PRKCQ: variants seen among roughly 807,000 people sequenced by gnomAD.
PRKCQ encodes protein kinase C theta type.
In PRKCQ, 41 loss-of-function variants were observed where a neutral mutation model predicts 91.2. The observed-to-expected ratio is 0.45, with a 90% CI of 0.35 to 0.58. The LOEUF (loss-of-function observed/expected upper bound fraction) is 0.58, where lower values mean the gene tolerates loss of function less well. Among genes scored for constraint, PRKCQ ranks in the 20% least tolerant of loss-of-function variants. PRKCQ has a pLI of 0.00. For missense variants in PRKCQ, 673 were observed against 896.5 expected, an observed-to-expected ratio of 0.75 and a Z score of 3.18; for synonymous variants, 307 against 316.9, an observed-to-expected ratio of 0.97 and a Z score of 0.33.
At chr10:6,445,680 C>T (rs1033432526) in intron 15 of PRKCQ, among the ~76,000 whole-genome samples, 2 of 152,188 alleles carry the variant, frequency 1.3e-5, no homozygotes, top group African/African-American at 4.8e-5. Flanking sequence ...AAAAATGCTA[C>T]CCACTACTCT....
At chr10:6,489,483 A>C (rs754223918) in intron 8 of PRKCQ, 3 of 528,950 alleles carry the variant, frequency 5.7e-6, no homozygotes, top group African/African-American at 3.9e-5. Flanking sequence ...GAGAAAGAGA[A>C]GGCAGGGTAA....
At chr10:6,529,356 C>CT (rs1839309574) in intron 1 of PRKCQ, among the ~76,000 whole-genome samples, 1 of 152,240 alleles carries the variant, frequency 6.6e-6, no homozygotes, top group Non-Finnish European at 1.5e-5. Context: ...AACCTTCTCT[C>CT]TGACTCTACC....
intron 16 of PRKCQ, among the ~76,000 whole-genome samples, chr10:6,441,545 C>T (rs1833972755): frequency 6.6e-6 from 1 of 152,056 alleles, no homozygotes; most frequent in South Asian, 2.1e-4. Flanking sequence ...TTCAATCCTC[C>T]TGCCTCAACC....
intron 1 of PRKCQ, among the ~76,000 whole-genome samples, chr10:6,559,981 CT>C (rs1273507232): frequency 6.6e-6 from 1 of 152,168 alleles, no homozygotes; most frequent in Non-Finnish European, 1.5e-5. Context: ...TAGCTATTGT[CT>C]TTCTACTCCA....
At chr10:6,515,604 T>C (rs980410513) in intron 1 of PRKCQ, 2 of 796,808 alleles carry the variant, frequency 2.5e-6, no homozygotes, top group Non-Finnish European at 3.0e-6. Flanking sequence ...ATGGTCTATT[T>C]ATGTGTGTAA....
Position 6,497,260 on chromosome 10 carries a change from A to T in PRKCQ, c.543-9T>A, listed in dbSNP as rs372188785. The T allele has an allele frequency of 2.5e-6, 4 of 1,614,152 alleles. No individual in the cohort carries two copies. The highest frequency in any genetic ancestry group is 3.4e-6 in the Non-Finnish European group (4 of 1,180,022). On this transcript the variant is annotated splice_polypyrimidine_tract_variant and intron_variant, in intron 5 of 17. Transcript: ENST00000263125. This position sits in a 1 kb window ranked among gnomAD's most constrained non-coding sequence, Gnocchi z 4.5. ...CCTGTTTGTTCAGGCCCCTGTAATA[A>T]AGCACACGCTGATTTATTTCAATGT...
In PRKCQ at chr10:6,507,507, G is replaced by C; in HGVS notation, c.319-11C>G. 1 of 1,611,530 alleles carries C rather than the reference G, an allele frequency of 6.2e-7. No individual in the cohort carries two copies. The highest frequency in any genetic ancestry group is 8.5e-7 in the Non-Finnish European group (1 of 1,177,760). ...AGGTTTCAGCTCTAACTGGTTGGGA[G>C]AAGGAGAGAAACATCAGTCAGAATG... On this transcript the variant is annotated splice_polypyrimidine_tract_variant and intron_variant, in intron 3 of 17. Transcript: ENST00000263125.
At chr10:6,574,178 T>C (rs1841141783) in intron 1 of PRKCQ, among the ~76,000 whole-genome samples, 1 of 152,148 alleles carries the variant, frequency 6.6e-6, no homozygotes, top group African/African-American at 2.4e-5. Context: ...CTCCTAGTTG[T>C]TCATGAATTA....
rs1446025784 is a variant in PRKCQ at position 6,483,714 on chromosome 10, T to C, written c.1019-114A>G. ...CCATGCTGAGGCTCCATCATAGTAA[T>C]TGGGGGTGTTTAGAGGGTTTCCTAC... On this transcript the variant is annotated intron_variant, in intron 10 of 17. Transcript: ENST00000263125. The C allele has an allele frequency of 2.6e-5, 33 of 1,263,830 alleles. No homozygotes were observed. In the Middle Eastern group the frequency reaches 1.5e-3, roughly 57 times the overall value. 78.3% of individuals were successfully genotyped at this position (1,263,830 alleles called of 1,614,324 possible). A position where few individuals can be genotyped will look rare whatever the true frequency, so the allele number is the denominator to read the frequency against.
chr10:6,557,666 A>G (rs1219309118), intron 1 of PRKCQ, among the ~76,000 whole-genome samples: 1 of 152,172 alleles, frequency 6.6e-6, no homozygotes, highest in East Asian at 1.9e-4. Context: ...CTTGAACTAT[A>G]CATTCACTTT....
chr10:6,419,193 A>G, the PRKCQ span, among the ~76,000 whole-genome samples: 940 of 151,636 alleles, frequency 6.2e-3, 9 homozygotes, highest in African/African-American at 0.022. Context: ...CTATCTCTCT[A>G]TCTCTCTATT....
In PRKCQ at chr10:6,427,245, G is replaced by A. The variant is rs1481979950; in HGVS notation, c.*962C>T. 1 of 151,774 alleles carries A rather than the reference G, an allele frequency of 6.6e-6. No individual in the cohort carries two copies. The highest frequency in any genetic ancestry group is 6.6e-5 in the Admixed American group (1 of 15,258). 9.4% of individuals were successfully genotyped at this position (151,774 alleles called of 1,614,324 possible). A position where few individuals can be genotyped will look rare whatever the true frequency, so the allele number is the denominator to read the frequency against. On this transcript the variant is annotated 3_prime_UTR_variant, in exon 18 of 18. Transcript: ENST00000263125. Reference sequence around the variant, plus strand: ...CACACAGCACAAATACCTTTAAAATGTATGGTTGGAATTCTAATTCAACTC... The same window carrying A: ...CACACAGCACAAATACCTTTAAAATATATGGTTGGAATTCTAATTCAACTC...
chr10:6,405,438 C>T, the PRKCQ span, among the ~76,000 whole-genome samples: 1 of 152,214 alleles, frequency 6.6e-6, no homozygotes, highest in Non-Finnish European at 1.5e-5. Flanking sequence ...TCCTGGACCC[C>T]ACCCAGGGAA....
chr10:6,395,075 T>TTTTTTTTTTTTC, the PRKCQ span, among the ~76,000 whole-genome samples: 30 of 135,790 alleles, frequency 2.2e-4, 1 homozygote, highest in African/African-American at 8.2e-4. Flanking sequence ...TTTTTTTTTT[T>TTTTTTTTTTTTC]TTTTTGAGAC....
At chr10:6,520,011 T>C (rs557858187) in intron 1 of PRKCQ, among the ~76,000 whole-genome samples, 1 of 152,302 alleles carries the variant, frequency 6.6e-6, no homozygotes, top group South Asian at 2.1e-4. Context: ...ATCCTGGTGG[T>C]CTATTGTGTA....
At position 6,447,145 on chromosome 10, in the gene PRKCQ, A is replaced by C. The variant is rs373946838; in HGVS notation, c.1648-5064T>G. On this transcript the variant is annotated intron_variant, in intron 15 of 17. Coordinates refer to ENST00000263125, the MANE Select transcript of PRKCQ (RefSeq NM_006257.5). ...TGTTTCCGGCTGGGCGCAGTGGCTC[A>C]CACCTGTAATCCCAGCACTTTGGGA... 9.9e-5 allele frequency among the ~76,000 whole-genome samples: 15 copies of C among 152,256 alleles called. No homozygotes were observed. The East Asian group carries it at 2.3e-3, about 24-fold the overall frequency.
At chr10:6,536,885 A>C (rs553653437) in intron 1 of PRKCQ, among the ~76,000 whole-genome samples, 1 of 152,358 alleles carries the variant, frequency 6.6e-6, no homozygotes, top group Non-Finnish European at 1.5e-5. Flanking sequence ...TGCAAGAGGA[A>C]GGAGAGGCTG....
At chr10:6,579,232 G>C (rs1038762000) in intron 1 of PRKCQ, among the ~76,000 whole-genome samples, 2 of 152,182 alleles carry the variant, frequency 1.3e-5, no homozygotes, top group African/African-American at 4.8e-5. Context: ...TTGGACACCA[G>C]GCACAGATGG....
intron 1 of PRKCQ, among the ~76,000 whole-genome samples, chr10:6,567,991 G>C (rs1164585462): frequency 6.6e-6 from 1 of 152,108 alleles, no homozygotes; most frequent in Non-Finnish European, 1.5e-5. Flanking sequence ...CCAGCACTTT[G>C]GTGGTGGCGC....
Sources: allele counts gnomAD v4.1 joint callset (sites outside exome capture counted in the v4.1 genomes callset), GRCh38; gene constraint gnomAD v4.1.1; non-coding constraint Gnocchi (gnomAD v3.1); transcripts MANE v1.5; gene names NCBI Gene and HGNC (gene_info 2026-07-23, HGNC 2026-07-21).